Variants in NETO1 observed in about 807,000 individuals in gnomAD.
NETO1 encodes the protein neuropilin and tolloid like 1.
A neutral mutation model predicts 61.3 loss-of-function variants in NETO1; 26 were observed. The ratio of observed to expected loss-of-function variants is 0.42; its 90% CI spans 0.31 to 0.59. NETO1 has a LOEUF of 0.59. Ranked by LOEUF, NETO1 falls within the 20% of genes least tolerant of loss-of-function variation. The pLI is 0.12. For missense variants in NETO1, 531 were observed against 662.8 expected (o/e 0.80, Z 2.18); for synonymous variants, 225 against 225.8 (o/e 1.00, Z 0.03).
At chr18:72,824,155 G>A (rs1448508894) in intron 4 of NETO1, among the ~76,000 whole-genome samples, 1 of 152,188 alleles carries the variant, frequency 6.6e-6, no homozygotes, top group East Asian at 1.9e-4. Context: ...TACACACTTT[G>A]AGAATAAGCC....
chr18:72,802,219 G>A (rs1303474209), intron 4 of NETO1, among the ~76,000 whole-genome samples: 1 of 151,438 alleles, frequency 6.6e-6, no homozygotes, highest in African/African-American at 2.4e-5. Flanking sequence ...AAAGCCAAAT[G>A]TCACTTTTCA....
At chr18:72,787,439 C>CA (rs1452942167) in intron 6 of NETO1, among the ~76,000 whole-genome samples, 5 of 151,476 alleles carry the variant, frequency 3.3e-5, no homozygotes, top group South Asian at 4.2e-4. Context: ...TTGGCTAATA[C>CA]AAAAAAAAGC....
At chr18:72,816,489 G>A (rs2073037001) in intron 4 of NETO1, among the ~76,000 whole-genome samples, 2 of 152,308 alleles carry the variant, frequency 1.3e-5, no homozygotes, top group Middle Eastern at 6.8e-3. Flanking sequence ...GGCTGGGAAA[G>A]CTCCTGACCT....
intron 1 of NETO1, chr18:72,866,897 A>T: frequency 9.7e-6 from 6 of 617,942 alleles, no homozygotes; most frequent in Non-Finnish European, 1.3e-5. Context: ...GAAGAGGAAG[A>T]CTCCTCTGGC....
chr18:72,789,835 G>A (rs894637831), intron 6 of NETO1, among the ~76,000 whole-genome samples: 39 of 152,064 alleles, frequency 2.6e-4, no homozygotes, highest in African/African-American at 8.5e-4. Context: ...TAAAGGGCTC[G>A]TGTGCTTAGA....
chr18:72,795,022 T>C (rs2072262717), intron 4 of NETO1, among the ~76,000 whole-genome samples: 1 of 152,228 alleles, frequency 6.6e-6, no homozygotes, highest in Admixed American at 6.5e-5. Context: ...CTCAGTATTC[T>C]AGTTTGTCAA....
At chr18:72,843,523 G>A (rs1313072444) in intron 4 of NETO1, among the ~76,000 whole-genome samples, 1 of 151,978 alleles carries the variant, frequency 6.6e-6, no homozygotes, top group African/African-American at 2.4e-5. Context: ...AAGTTATACC[G>A]GAAAAAAAAT....
At chr18:72,788,263 T>A (rs1018393996) in intron 6 of NETO1, among the ~76,000 whole-genome samples, 7 of 152,158 alleles carry the variant, frequency 4.6e-5, no homozygotes, top group African/African-American at 1.7e-4. Context: ...GGTAATCACG[T>A]CTGAAGCATT....
chr18:72,802,370 G>A (rs2072536067), intron 4 of NETO1, among the ~76,000 whole-genome samples: 1 of 152,184 alleles, frequency 6.6e-6, no homozygotes, highest in African/African-American at 2.4e-5. Flanking sequence ...AAGAAACCAG[G>A]ACACTGCCAC....
At chr18:72,806,254 T>C (rs564209266) in intron 4 of NETO1, among the ~76,000 whole-genome samples, 1 of 152,322 alleles carries the variant, frequency 6.6e-6, no homozygotes, top group Admixed American at 6.5e-5. Flanking sequence ...ATGGATTGGG[T>C]GTGGGAAGTG....
intron 7 of NETO1, among the ~76,000 whole-genome samples, chr18:72,781,249 T>A (rs1189247098): frequency 1.3e-5 from 2 of 152,192 alleles, no homozygotes; most frequent in Admixed American, 1.3e-4. Context: ...TCATTTAAAT[T>A]AAATACGAGT....
At chr18:72,861,856 C>A (rs1306022496) in intron 3 of NETO1, among the ~76,000 whole-genome samples, 1 of 152,172 alleles carries the variant, frequency 6.6e-6, no homozygotes, top group Non-Finnish European at 1.5e-5. Flanking sequence ...CTCCACTATG[C>A]CAATGGGAGT....
chr18:72,834,832 G>T (rs917929885), intron 4 of NETO1: 19 of 982,298 alleles, frequency 1.9e-5, no homozygotes, highest in Non-Finnish European at 2.3e-5. Context: ...AATATTTTGG[G>T]GAGAGTGGAG....
At chr18:72,821,309 G>C (rs1187035722) in intron 4 of NETO1, among the ~76,000 whole-genome samples, 1 of 149,424 alleles carries the variant, frequency 6.7e-6, no homozygotes, top group Admixed American at 6.7e-5. Context: ...TTGGGAGGAC[G>C]AGGTGGGCGG....
At chr18:72,800,832 C>G (rs967271765) in intron 4 of NETO1, among the ~76,000 whole-genome samples, 1 of 152,138 alleles carries the variant, frequency 6.6e-6, no homozygotes, top group Admixed American at 6.5e-5. Context: ...AATACAGTTA[C>G]TTTACCCCAA....
intron 7 of NETO1, among the ~76,000 whole-genome samples, chr18:72,762,369 A>G (rs1248219836): frequency 6.6e-6 from 1 of 152,168 alleles, no homozygotes; most frequent in African/African-American, 2.4e-5. Context: ...TCACATACCA[A>G]TGCACTTATG....
chr18:72,817,167 C>T (rs1440030515), intron 4 of NETO1, among the ~76,000 whole-genome samples: 1 of 152,218 alleles, frequency 6.6e-6, no homozygotes, highest in Non-Finnish European at 1.5e-5. Flanking sequence ...GAGCAACATG[C>T]TGAGCCTCTG....
At chr18:72,754,301 A>G (rs1051144005) in intron 8 of NETO1, among the ~76,000 whole-genome samples, 1 of 152,122 alleles carries the variant, frequency 6.6e-6, no homozygotes, top group African/African-American at 2.4e-5. Context: ...TTTAGAAACA[A>G]AAAGTATAAT....
At chr18:72,847,832 C>A (rs1429683146) in intron 4 of NETO1, among the ~76,000 whole-genome samples, 1 of 152,166 alleles carries the variant, frequency 6.6e-6, no homozygotes, top group Admixed American at 6.5e-5. Flanking sequence ...TATTTACATT[C>A]TGTATCACTC....
Sources: allele counts gnomAD v4.1 joint callset (sites outside exome capture counted in the v4.1 genomes callset), GRCh38; gene constraint gnomAD v4.1.1; transcripts MANE v1.5; gene names NCBI Gene and HGNC (gene_info 2026-07-23, HGNC 2026-07-21).